The following PCDHGA5 variants were observed in gnomAD, a reference collection of about 807,000 sequenced individuals.
The protein encoded by PCDHGA5 is protocadherin gamma-A5.
In PCDHGA5, 36 loss-of-function variants were observed where a neutral mutation model predicts 56.7. The observed-to-expected ratio is 0.64, with a 90% CI of 0.49 to 0.84. The LOEUF (loss-of-function observed/expected upper bound fraction) is 0.84, where lower values mean the gene tolerates loss of function less well. PCDHGA5 is among the 40% of genes least tolerant of loss of function. PCDHGA5 has a pLI of 0.00. For missense variants in PCDHGA5, 1,305 were observed against 1,201.5 expected, an observed-to-expected ratio of 1.09 and a Z score of -1.27; for synonymous variants, 563 against 520.2, an observed-to-expected ratio of 1.08 and a Z score of -1.12.
At position 141,431,368 on chromosome 5, in the gene PCDHGA5, A is replaced by G; in HGVS notation, c.2422-63439A>G. On this transcript the variant is annotated intron_variant, in intron 1 of 3. Coordinates refer to ENST00000518069, the MANE Select transcript of PCDHGA5 (RefSeq NM_018918.3). The surrounding 1 kb of genome is among the most constrained non-coding windows in gnomAD (Gnocchi z 4.8). ...TGCTGAAACGCGCCCTGGACCGCGA[A>G]GAAAAGGCTGCTCACCACCTGGTCC... 1.9e-6 allele frequency: 3 copies of G among 1,614,002 alleles called. No individual in the cohort carries two copies. The highest frequency in any genetic ancestry group is 2.5e-6 in the Non-Finnish European group (3 of 1,180,034).
chr5:141,400,245 C>G (rs778709619), intron 1 of PCDHGA5: 32 of 1,613,998 alleles, frequency 2.0e-5, no homozygotes, highest in Non-Finnish European at 2.5e-5. Flanking sequence ...TGATTCTGGC[C>G]GTTGCCTTGC....
At chr5:141,371,840 A>G (rs1768098809) in intron 1 of PCDHGA5, 6 of 1,613,642 alleles carry the variant, frequency 3.7e-6, no homozygotes, top group Non-Finnish European at 5.1e-6. Flanking sequence ...CCGACTTGGG[A>G]CCTAATGGCC....
At chr5:141,450,815 A>T (rs183350620) in intron 1 of PCDHGA5, among the ~76,000 whole-genome samples, 1,650 of 126,706 alleles carry the variant, frequency 0.013, 15 homozygotes, top group African/African-American at 0.032. Context: ...TATTTATTTA[A>T]TATTATTATT....
Position 141,491,722 on chromosome 5 carries a change from CG to C in PCDHGA5, c.2422-3082del. Reference sequence around the variant, plus strand: ...CCAGGTGAGGGGCTCGGCGCCGCCCCGGGCGACCCCTGGGGGCGGCACTGGA... The same window carrying C: ...CCAGGTGAGGGGCTCGGCGCCGCCCCGGCGACCCCTGGGGGCGGCACTGGA... On this transcript the variant is annotated intron_variant, in intron 1 of 3. Transcript: ENST00000518069. The surrounding 1 kb of genome is among the most constrained non-coding windows in gnomAD (Gnocchi z 6.9). The C allele has an allele frequency of 1.2e-6, 2 of 1,607,004 alleles. No homozygotes were observed. Among genetic ancestry groups the C allele is most frequent in the Non-Finnish European group, 1.7e-6 (2 of 1,177,148 alleles).
intron 1 of PCDHGA5, among the ~76,000 whole-genome samples, chr5:141,483,517 CCTGA>C (rs72004558): frequency 0.16 from 24,470 of 151,950 alleles, 2,064 homozygotes; most frequent in African/African-American, 0.21. Context: ...CCCCCTAGAT[CCTGA>C]CTAAGGAAGC....
Position 141,454,887 on chromosome 5 carries a change from T to C in PCDHGA5, c.2422-39920T>C, listed in dbSNP as rs1291501766. Among the ~76,000 whole-genome samples, 3 of 138,310 alleles carry C rather than the reference T, an allele frequency of 2.2e-5. No homozygotes were observed. The Admixed American group carries it at 2.3e-4, about 11-fold the overall frequency. 90.7% of individuals were successfully genotyped at this position (138,310 alleles called of 152,430 possible). A position where few individuals can be genotyped will look rare whatever the true frequency, so the allele number is the denominator to read the frequency against. ...CAGTGGCACGATCTTGGCTCACTGC[T>C]AGCACCGCCTCCCGGGTTCACGCCA... On this transcript the variant is annotated intron_variant, in intron 1 of 3. Coordinates refer to ENST00000518069, the MANE Select transcript of PCDHGA5 (RefSeq NM_018918.3).
chr5:141,453,266 A>G (rs1322091044), intron 1 of PCDHGA5, among the ~76,000 whole-genome samples: 4 of 151,838 alleles, frequency 2.6e-5, no homozygotes. Flanking sequence ...AGTGCACACC[A>G]CCATGACTGG....
intron 1 of PCDHGA5, chr5:141,395,360 GT>G: frequency 1.5e-6 from 2 of 1,290,436 alleles, no homozygotes; most frequent in Non-Finnish European, 2.1e-6. Context: ...AGAGTTTTGG[GT>G]TTATTTTGGT....
Position 141,477,782 on chromosome 5 carries a change from T to G in PCDHGA5, c.2422-17025T>G, listed in dbSNP as rs763675478. 1.2e-5 allele frequency: 20 copies of G among 1,613,902 alleles called. No individual in the cohort carries two copies. Among genetic ancestry groups the G allele is most frequent in the Non-Finnish European group, 1.7e-5 (20 of 1,180,042 alleles). ...AGCCACCAACATCAGCGTGAACATA[T>G]TTGTCACTGATCGCAATGACAATGC... On this transcript the variant is annotated intron_variant, in intron 1 of 3. Coordinates refer to ENST00000518069, the MANE Select transcript of PCDHGA5 (RefSeq NM_018918.3). The surrounding 1 kb of genome is among the most constrained non-coding windows in gnomAD (Gnocchi z 4.9).
chr5:141,367,460 C>A (rs1765144116), intron 1 of PCDHGA5: 1 of 152,002 alleles, frequency 6.6e-6, no homozygotes, highest in African/African-American at 2.4e-5. Flanking sequence ...TGGGGTGAAC[C>A]CGGGAGGAGG....
At chr5:141,367,043 A>G (rs939220707) in intron 1 of PCDHGA5, 4 of 343,424 alleles carry the variant, frequency 1.2e-5, no homozygotes, top group African/African-American at 8.6e-5. Flanking sequence ...AGTTCTATTA[A>G]TAGAAAAGAT....
At chr5:141,472,066 T>C (rs1440684719) in intron 1 of PCDHGA5, among the ~76,000 whole-genome samples, 1 of 152,140 alleles carries the variant, frequency 6.6e-6, no homozygotes, top group African/African-American at 2.4e-5. Flanking sequence ...GACATGTCTG[T>C]GGTTATATCA....
chr5:141,365,421 C>T lies in PCDHGA5; in HGVS notation c.1091C>T (p.Thr364Ile). 1 of 1,614,014 alleles carries T rather than the reference C, an allele frequency of 6.2e-7. No homozygotes were observed. The highest frequency in any genetic ancestry group is 2.2e-5 in the East Asian group (1 of 44,872). ...ATCTCTGAAGACTGTCTTCCCGGAA[C>T]TGTAATCGCGCTGTTTAGCGTACAT... The part of the protein sequence containing the change: ...SSISEDCLPG[T>I]VIALFSVHDG... Residue 364 changes from threonine (T) to isoleucine (I), a missense_variant, in exon 1 of 4, where the codon ACT becomes ATT. Physicochemically the swap from Thr to Ile is moderately conservative, Grantham distance 89 (BLOSUM62 -1). Coordinates refer to ENST00000518069, the MANE Select transcript of PCDHGA5 (RefSeq NM_018918.3).
At position 141,490,632 on chromosome 5, in the gene PCDHGA5, A is replaced by C; in HGVS notation, c.2422-4175A>C. Reference sequence around the variant, plus strand: ...AGCAGCTTTACACTGCTTACATCCTAGAAAACCGGCCTCCGGGCTCCCTTC... The same window carrying C: ...AGCAGCTTTACACTGCTTACATCCTCGAAAACCGGCCTCCGGGCTCCCTTC... On this transcript the variant is annotated intron_variant, in intron 1 of 3. Transcript: ENST00000518069. This position sits in a 1 kb window ranked among gnomAD's most constrained non-coding sequence, Gnocchi z 5.4. The C allele has an allele frequency of 1.2e-6, 2 of 1,614,196 alleles. No individual in the cohort carries two copies. Among genetic ancestry groups the C allele is most frequent in the South Asian group, 1.1e-5 (1 of 91,088 alleles).
In PCDHGA5 at chr5:141,370,651, T is replaced by G. The variant is rs779641933; in HGVS notation, c.2421+3900T>G. On this transcript the variant is annotated intron_variant, in intron 1 of 3. Coordinates refer to ENST00000518069, the MANE Select transcript of PCDHGA5 (RefSeq NM_018918.3). Reference sequence around the variant, plus strand: ...AGCCCCGAAAATGGGAACTTACTTGTGAGCGACCGTATAGACCGAGAGGAG... The same window carrying G: ...AGCCCCGAAAATGGGAACTTACTTGGGAGCGACCGTATAGACCGAGAGGAG... 4.3e-6 allele frequency: 7 copies of G among 1,613,800 alleles called. No homozygotes were observed. In the South Asian group the frequency reaches 7.7e-5, roughly 18 times the overall value.
chr5:141,420,507 A>G (rs548077936), intron 1 of PCDHGA5: 1 of 428,282 alleles, frequency 2.3e-6, no homozygotes, highest in African/African-American at 2.0e-5. Context: ...TGACATTTTT[A>G]TGAAGTAAAA....
chr5:141,507,736 G>A (rs1562231670), intron 3 of PCDHGA5, among the ~76,000 whole-genome samples: 1 of 152,240 alleles, frequency 6.6e-6, no homozygotes. Flanking sequence ...CATGCAGCTC[G>A]TTCCCCTGTC....
chr5:141,477,571 C>A lies in PCDHGA5; in HGVS notation c.2422-17236C>A, dbSNP rs1470454976. ...TAAACCTAAGTGTCTGGGACCCCGA[C>A]GCCCCGCAGAATGCTCGGCTTTCTT... is the stretch of plus-strand genomic sequence containing the variant. On this transcript the variant is annotated intron_variant, in intron 1 of 3. Coordinates refer to ENST00000518069, the MANE Select transcript of PCDHGA5 (RefSeq NM_018918.3). The surrounding 1 kb of genome is among the most constrained non-coding windows in gnomAD (Gnocchi z 4.9). The A allele has an allele frequency of 3.1e-6, 5 of 1,614,042 alleles. No homozygotes were observed. In the South Asian group the frequency reaches 4.4e-5, roughly 14 times the overall value.
chr5:141,427,428 T>A (rs1489623330), intron 1 of PCDHGA5: 1 of 470,472 alleles, frequency 2.1e-6, no homozygotes. Context: ...GGAGGTTACA[T>A]GCCTCATAAA....
Sources: gnomAD v4.1 joint callset for allele counts (sites outside exome capture counted in the v4.1 genomes callset) on GRCh38, gnomAD v4.1.1 for gene constraint, Gnocchi (gnomAD v3.1) non-coding constraint, MANE v1.5 for transcripts, NCBI Gene and HGNC (gene_info 2026-07-23, HGNC 2026-07-21) for gene names.